The following DAAM1 variants were observed in gnomAD, a reference collection of about 807,000 sequenced individuals.
The protein encoded by DAAM1 is dishevelled associated activator of morphogenesis 1.
DAAM1 carries 52 observed loss-of-function variants against 130.0 expected under a neutral mutation model. That is an observed-to-expected ratio of 0.40 (90% CI 0.32 to 0.50). The LOEUF is 0.50. Among genes scored for constraint, DAAM1 ranks in the 20% least tolerant of loss-of-function variants. The pLI, the probability that DAAM1 is intolerant of heterozygous loss-of-function variation, is 0.61. For synonymous variants in DAAM1, 452 were observed against 444.5 expected, an observed-to-expected ratio of 1.02 and a Z score of -0.21; for missense variants, 1,134 against 1,303.8, an observed-to-expected ratio of 0.87 and a Z score of 2.01.
intron 1 of DAAM1, among the ~76,000 whole-genome samples, chr14:59,210,513 T>A (rs533260421): frequency 2.6e-4 from 40 of 152,324 alleles, no homozygotes; most frequent in African/African-American, 9.4e-4. Context: ...TTAAACCCTT[T>A]GGAAGGAAAC....
chr14:59,288,521 A>C (rs1883562788), intron 2 of DAAM1, among the ~76,000 whole-genome samples: 1 of 152,210 alleles, frequency 6.6e-6, no homozygotes, highest in South Asian at 2.1e-4. Context: ...TGCATCTGAC[A>C]AAGGTCTAAT....
At chr14:59,321,732 C>G (rs533073103) in intron 5 of DAAM1, among the ~76,000 whole-genome samples, 5 of 152,278 alleles carry the variant, frequency 3.3e-5, no homozygotes, top group Non-Finnish European at 7.4e-5. Context: ...CTATAAAATG[C>G]AAACTAAGAA....
intron 24 of DAAM1, among the ~76,000 whole-genome samples, chr14:59,367,856 C>T (rs540003713): frequency 3.8e-4 from 58 of 152,134 alleles, no homozygotes; most frequent in African/African-American, 1.4e-3. Flanking sequence ...AAGAAATAAT[C>T]ATAAATTTAC....
At chr14:59,274,809 C>T (rs896769909) in intron 2 of DAAM1, among the ~76,000 whole-genome samples, 2 of 152,188 alleles carry the variant, frequency 1.3e-5, no homozygotes, top group African/African-American at 4.8e-5. Flanking sequence ...TCCTGTTTTA[C>T]TCTTTCTTCT....
chr14:59,326,470 C>A (rs1405588209), intron 10 of DAAM1, 40 bp from the exon 11 acceptor site: 7 of 1,552,636 alleles, frequency 4.5e-6, no homozygotes, highest in Non-Finnish European at 6.1e-6. Flanking sequence ...AGCTTAGAAA[C>A]AACTTGAAGA....
intron 1 of DAAM1, among the ~76,000 whole-genome samples, chr14:59,220,572 T>C (rs1375088741): frequency 6.6e-6 from 1 of 152,148 alleles, no homozygotes; most frequent in African/African-American, 2.4e-5. Context: ...CAAGGGGATT[T>C]ATTGTAGGAA....
chr14:59,217,525 C>A (rs1888622072), intron 1 of DAAM1, among the ~76,000 whole-genome samples: 1 of 152,044 alleles, frequency 6.6e-6, no homozygotes, highest in Non-Finnish European at 1.5e-5. Context: ...CAATATGTAG[C>A]TATTTAAATT....
intron 3 of DAAM1, among the ~76,000 whole-genome samples, chr14:59,294,787 A>G (rs1397830620): frequency 6.8e-6 from 1 of 147,266 alleles, no homozygotes; most frequent in Non-Finnish European, 1.5e-5. Flanking sequence ...AGCTTTTTAA[A>G]CAATGAACCA....
intron 1 of DAAM1, among the ~76,000 whole-genome samples, chr14:59,216,554 C>A (rs934492311): frequency 2.0e-5 from 3 of 152,140 alleles, no homozygotes; most frequent in Admixed American, 2.0e-4. Flanking sequence ...AAGCTCTTCT[C>A]TACTAAAAGT....
chr14:59,302,099 A>G (rs1456726396), intron 3 of DAAM1, among the ~76,000 whole-genome samples: 3 of 152,242 alleles, frequency 2.0e-5, no homozygotes, highest in Non-Finnish European at 2.9e-5. Flanking sequence ...ATGAACAGGT[A>G]GATATACTGC....
intron 1 of DAAM1, 85 bp downstream of exon 1, chr14:59,188,853 G>C (rs1887634621): frequency 6.5e-6 from 1 of 153,310 alleles, no homozygotes; most frequent in Non-Finnish European, 1.5e-5. Context: ...TGCTTCCGTG[G>C]GCTGGGCGCT....
At chr14:59,221,593 CT>C (rs557702278) in intron 1 of DAAM1, among the ~76,000 whole-genome samples, 35 of 152,176 alleles carry the variant, frequency 2.3e-4, no homozygotes, top group Non-Finnish European at 4.0e-4. Context: ...GCCTTAGTTG[CT>C]GGGCATGGTA....
intron 1 of DAAM1, among the ~76,000 whole-genome samples, chr14:59,199,054 G>A (rs1050868282): frequency 1.8e-4 from 27 of 152,316 alleles, no homozygotes; most frequent in Admixed American, 7.2e-4. Context: ...CGGTGAGGGA[G>A]AACTCCGATT....
At chr14:59,209,650 TGTAA>T (rs1207760023) in intron 1 of DAAM1, among the ~76,000 whole-genome samples, 2 of 152,212 alleles carry the variant, frequency 1.3e-5, no homozygotes, top group East Asian at 3.9e-4. Context: ...TGTAGGGTAA[TGTAA>T]GTGTTTTTGA....
chr14:59,286,210 A>AT (rs1025591118), intron 2 of DAAM1, among the ~76,000 whole-genome samples: 3 of 151,834 alleles, frequency 2.0e-5, no homozygotes, highest in Non-Finnish European at 2.9e-5. Flanking sequence ...AAGTATAAAA[A>AT]TTTTTTTTTA....
At chr14:59,351,730 C>T (rs913753734) in intron 17 of DAAM1, among the ~76,000 whole-genome samples, 1 of 150,164 alleles carries the variant, frequency 6.7e-6, no homozygotes, top group South Asian at 2.1e-4. Context: ...GGGAGAGCCT[C>T]AAAGTCAAGA....
intron 1 of DAAM1, among the ~76,000 whole-genome samples, chr14:59,231,764 A>G (rs1889114858): frequency 6.6e-6 from 1 of 152,178 alleles, no homozygotes; most frequent in Admixed American, 6.6e-5. Context: ...GTATGTGCTT[A>G]ACAAACTTTA....
At chr14:59,238,937 G>T (rs898210776) in intron 1 of DAAM1, among the ~76,000 whole-genome samples, 11 of 152,150 alleles carry the variant, frequency 7.2e-5, no homozygotes, top group Non-Finnish European at 1.6e-4. Context: ...TTCTAAGATG[G>T]GCTGGCTGAC....
intron 1 of DAAM1, among the ~76,000 whole-genome samples, chr14:59,207,346 G>A (rs1315767087): frequency 6.6e-6 from 1 of 152,180 alleles, no homozygotes; most frequent in Non-Finnish European, 1.5e-5. Context: ...TGGCAAGTGA[G>A]TTTCTGCCTC....
Sources: allele counts gnomAD v4.1 joint callset (sites outside exome capture counted in the v4.1 genomes callset), GRCh38; gene constraint gnomAD v4.1.1; transcripts MANE v1.5; gene names NCBI Gene and HGNC (gene_info 2026-07-23, HGNC 2026-07-21).